RAB11FIP4: variants seen among roughly 807,000 people sequenced by gnomAD.
RAB11FIP4 encodes the protein rab11 family-interacting protein 4.
RAB11FIP4 carries 23 observed loss-of-function variants against 74.3 expected under a neutral mutation model. The observed-to-expected ratio is 0.31, with a 90% confidence interval of 0.22 to 0.44. RAB11FIP4 has a LOEUF of 0.44. RAB11FIP4 is among the 20% of genes least tolerant of loss of function. RAB11FIP4 has a pLI of 1.00. For synonymous variants in RAB11FIP4, 360 were observed against 359.9 expected (o/e 1.00, Z 0.00); for missense variants, 630 against 863.9 (o/e 0.73, Z 3.39).
At chr17:31,402,861 G>A (rs1373616606) in intron 1 of RAB11FIP4, among the ~76,000 whole-genome samples, 2 of 151,860 alleles carry the variant, frequency 1.3e-5, no homozygotes, top group Admixed American at 1.3e-4. Context: ...TCCTGACCTT[G>A]TGATCCACCC....
chr17:31,522,092 AG>A (rs1188322535), intron 6 of RAB11FIP4, 43 bp downstream of exon 6: 3 of 1,612,466 alleles, frequency 1.9e-6, no homozygotes, highest in Non-Finnish European at 2.5e-6. Context: ...CCGGGGGGCC[AG>A]GGCAGGGCCT....
chr17:31,536,811 A>G lies in RAB11FIP4; in HGVS notation c.*5079A>G. The G allele has an allele frequency of 2.5e-6, 1 of 395,626 alleles. No homozygotes were observed. The highest frequency in any genetic ancestry group is 4.5e-6 in the Non-Finnish European group (1 of 224,714). 24.5% of individuals were successfully genotyped at this position (395,626 alleles called of 1,614,324 possible). A position where few individuals can be genotyped will look rare whatever the true frequency, so the allele number is the denominator to read the frequency against. Reference sequence around the variant, plus strand: ...AGGCCCTTCTGCCATATTCTCTGCTACCCACCAGAGAAAATAGGCTGCCTT... The same window carrying G: ...AGGCCCTTCTGCCATATTCTCTGCTGCCCACCAGAGAAAATAGGCTGCCTT... On this transcript the variant is annotated 3_prime_UTR_variant, in exon 15 of 15. Transcript: ENST00000621161.
At chr17:31,392,091 C>G in intron 1 of RAB11FIP4, 80 bp downstream of exon 1, 1 of 994,006 alleles carries the variant, frequency 1.0e-6, no homozygotes, top group Non-Finnish European at 1.2e-6. Context: ...CCCGCCGGGT[C>G]ACCCGCGTGG....
intron 1 of RAB11FIP4, among the ~76,000 whole-genome samples, chr17:31,402,932 T>G (rs904704565): frequency 2.0e-5 from 3 of 152,020 alleles, no homozygotes; most frequent in Non-Finnish European, 2.9e-5. Flanking sequence ...GCCAGATTAT[T>G]TTTAAAGGTG....
chr17:31,461,115 AC>A (rs2071630217), intron 3 of RAB11FIP4, among the ~76,000 whole-genome samples: 2 of 142,344 alleles, frequency 1.4e-5, no homozygotes, highest in African/African-American at 5.3e-5. Context: ...GCTGCCAACA[AC>A]CCCCCTGACT....
intron 1 of RAB11FIP4, among the ~76,000 whole-genome samples, chr17:31,421,616 G>T (rs1457510609): frequency 6.7e-6 from 1 of 149,050 alleles, no homozygotes; most frequent in Non-Finnish European, 1.5e-5. Flanking sequence ...GAGTGCAATA[G>T]CGCAATCTCG....
intron 9 of RAB11FIP4, chr17:31,524,231 C>A: frequency 2.0e-6 from 1 of 503,976 alleles, no homozygotes; most frequent in Non-Finnish European, 3.6e-6. Context: ...GGATTCTACC[C>A]CCTGAGGTCT....
At chr17:31,517,526 G>A (rs1407700657) in intron 3 of RAB11FIP4, 125 bp from the exon 4 acceptor site, 1 of 858,244 alleles carries the variant, frequency 1.2e-6, no homozygotes, top group Admixed American at 2.3e-5. Context: ...TTAGGGTTCG[G>A]GATCTGGGCC....
chr17:31,477,214 A>T (rs144431434), intron 3 of RAB11FIP4, among the ~76,000 whole-genome samples: 11 of 152,124 alleles, frequency 7.2e-5, no homozygotes, highest in Non-Finnish European at 1.2e-4. Flanking sequence ...CCCAGAACAG[A>T]CTCAGAGTCG....
intron 3 of RAB11FIP4, among the ~76,000 whole-genome samples, chr17:31,479,763 C>T (rs1231692747): frequency 6.6e-6 from 1 of 152,168 alleles, no homozygotes; most frequent in Non-Finnish European, 1.5e-5. Flanking sequence ...CTAAAAACAG[C>T]ATACCTACTC....
intron 3 of RAB11FIP4, among the ~76,000 whole-genome samples, chr17:31,460,507 G>A (rs555420939): frequency 2.0e-5 from 3 of 152,296 alleles, no homozygotes; most frequent in South Asian, 4.1e-4. Flanking sequence ...ATTAGAAGCC[G>A]CTGGCATCAG....
intron 3 of RAB11FIP4, among the ~76,000 whole-genome samples, chr17:31,472,917 C>G (rs1267682724): frequency 1.3e-5 from 2 of 151,790 alleles, no homozygotes; most frequent in Non-Finnish European, 2.9e-5. Context: ...CCTGTAGACC[C>G]AGCTACTCAG....
chr17:31,452,021 T>C (rs1190683995), intron 3 of RAB11FIP4, among the ~76,000 whole-genome samples: 1 of 152,112 alleles, frequency 6.6e-6, no homozygotes, highest in Non-Finnish European at 1.5e-5. Context: ...ACCTTTGTCT[T>C]TGTGTTGGGA....
chr17:31,501,133 A>G (rs893531866), intron 3 of RAB11FIP4, among the ~76,000 whole-genome samples: 2 of 152,068 alleles, frequency 1.3e-5, no homozygotes, highest in Admixed American at 6.6e-5. Flanking sequence ...ACAAAATATC[A>G]TCTCTTAAGA....
At chr17:31,525,313 T>A in intron 10 of RAB11FIP4, 83 bp downstream of exon 10, 3 of 1,358,130 alleles carry the variant, frequency 2.2e-6, no homozygotes, top group Non-Finnish European at 3.0e-6. Flanking sequence ...ATCCCCATTT[T>A]ATAGATGGGA....
At chr17:31,494,683 C>T (rs936575583) in intron 3 of RAB11FIP4, among the ~76,000 whole-genome samples, 8 of 152,010 alleles carry the variant, frequency 5.3e-5, no homozygotes, top group African/African-American at 1.9e-4. Flanking sequence ...TACTATGTTA[C>T]CCAGGCTGAT....
intron 3 of RAB11FIP4, among the ~76,000 whole-genome samples, chr17:31,445,555 TATATATATATATATATATA>T (rs2071447820): frequency 2.4e-4 from 3 of 12,524 alleles, no homozygotes; most frequent in African/African-American, 7.4e-4. Context: ...TATATATATA[TATATATATATATATATATA>T]TATATTTTTT....
intron 1 of RAB11FIP4, among the ~76,000 whole-genome samples, chr17:31,407,040 A>ATTTTTTTTTTTTTTTTTTTTTTTT (rs59919036): frequency 7.8e-5 from 4 of 51,208 alleles, no homozygotes; most frequent in Non-Finnish European, 1.0e-4. Context: ...GTTTCACTTG[A>ATTTTTTTTTTTTTTTTTTTTTTTT]TTTTTTTTTT....
At position 31,411,134 on chromosome 17, in the gene RAB11FIP4, C is replaced by T. The variant is rs144125413; in HGVS notation, c.159+19123C>T. 7.3e-3 allele frequency among the ~76,000 whole-genome samples: 1,104 copies of T among 152,230 alleles called. 8 individuals carry two copies. The highest frequency in any genetic ancestry group is 0.025 in the African/African-American group (1,049 of 41,546). ...ATCCCAGCGCTTTGGGAGGCCGAGG[C>T]GGGTGGATTCCAAGGTCAACAGATC... is the stretch of plus-strand genomic sequence containing the variant. On this transcript the variant is annotated intron_variant, in intron 1 of 14. Coordinates refer to ENST00000621161, the MANE Select transcript of RAB11FIP4 (RefSeq NM_032932.6).
Sources: gnomAD v4.1 joint callset for allele counts (sites outside exome capture counted in the v4.1 genomes callset) on GRCh38, gnomAD v4.1.1 for gene constraint, MANE v1.5 for transcripts, NCBI Gene and HGNC (gene_info 2026-07-23, HGNC 2026-07-21) for gene names.